Variants in ADAMTS9 observed in about 807,000 individuals in gnomAD.
ADAMTS9 encodes the protein A disintegrin and metalloproteinase with thrombospondin motifs 9.
In ADAMTS9, 107 loss-of-function variants were observed where a neutral mutation model predicts 257.1. The ratio of observed to expected loss-of-function variants is 0.42; its 90% CI spans 0.36 to 0.49. The LOEUF is 0.49. ADAMTS9 is among the 20% of genes least tolerant of loss of function. ADAMTS9 has a pLI of 0.03. For synonymous variants in ADAMTS9, 982 were observed against 880.9 expected (o/e 1.11, Z -2.03); for missense variants, 2,353 against 2,469.1 (o/e 0.95, Z 1.00).
At chr3:64,528,043 G>C (rs2082931124) in intron 38 of ADAMTS9, among the ~76,000 whole-genome samples, 1 of 152,156 alleles carries the variant, frequency 6.6e-6, no homozygotes, top group African/African-American at 2.4e-5. Flanking sequence ...TTGATTTACA[G>C]CCCTTGCTCT....
At chr3:64,586,487 C>A (rs1238187416) in intron 28 of ADAMTS9, among the ~76,000 whole-genome samples, 2 of 152,022 alleles carry the variant, frequency 1.3e-5, no homozygotes, top group Admixed American at 1.3e-4. Flanking sequence ...TGAGAGTGAG[C>A]ATAGTAGATT....
At chr3:64,522,650 A>G (rs2082867992) in intron 38 of ADAMTS9, 2 of 165,072 alleles carry the variant, frequency 1.2e-5, no homozygotes, top group Admixed American at 6.1e-5. Flanking sequence ...ATGCTGCAAA[A>G]AAAGAACTGA....
chr3:64,543,194 A>G (rs2083150297), intron 32 of ADAMTS9, among the ~76,000 whole-genome samples: 1 of 30,328 alleles, frequency 3.3e-5, no homozygotes, highest in African/African-American at 1.4e-4. Context: ...GGTACAAACA[A>G]GAGCTGGTAC....
chr3:64,659,621 T>A lies in ADAMTS9; in HGVS notation c.680-830A>T, dbSNP rs574356214. Among the ~76,000 whole-genome samples the A allele has an allele frequency of 1.4e-4, 22 of 152,248 alleles. No individual in the cohort carries two copies. The East Asian group carries it at 4.2e-3, about 29-fold the overall frequency. On this transcript the variant is annotated intron_variant, in intron 3 of 39. Coordinates refer to ENST00000498707, the MANE Select transcript of ADAMTS9 (RefSeq NM_182920.2). ...TGCACAACCAGGTATTTTATTACAT[T>A]ATTAGATCATTTCAATACTTAAAAT...
chr3:64,593,960 GATGTGTGTGTGT>G (rs1244797611), intron 28 of ADAMTS9, among the ~76,000 whole-genome samples: 9 of 69,322 alleles, frequency 1.3e-4, no homozygotes, highest in African/African-American at 3.5e-4. Context: ...GTGTGTGTAT[GATGTGTGTGTGT>G]GTGTGTGTGT....
chr3:64,593,871 C>T (rs566731412), intron 28 of ADAMTS9, among the ~76,000 whole-genome samples: 1 of 151,944 alleles, frequency 6.6e-6, no homozygotes, highest in Admixed American at 6.6e-5. Flanking sequence ...GTATCTTTCC[C>T]AAAAAGTCAA....
chr3:64,658,139 A>G (rs938652352), intron 4 of ADAMTS9, among the ~76,000 whole-genome samples: 1 of 152,190 alleles, frequency 6.6e-6, no homozygotes, highest in African/African-American at 2.4e-5. Context: ...GGCAGCGTCC[A>G]AGTGATTTAT....
At chr3:64,654,292 G>A (rs1031807186) in intron 8 of ADAMTS9, 61 bp downstream of exon 8, 5 of 1,488,128 alleles carry the variant, frequency 3.4e-6, no homozygotes, top group South Asian at 1.2e-5. Context: ...GCTCACTGAT[G>A]CGAAGGAATA....
At chr3:64,641,755 T>G in intron 12 of ADAMTS9, 93 bp downstream of exon 12, 1 of 1,501,284 alleles carries the variant, frequency 6.7e-7, no homozygotes, top group South Asian at 1.3e-5. Context: ...GCTCTCTAAG[T>G]TGGAATGTAC....
At chr3:64,653,004 C>G (rs1011622282) in intron 8 of ADAMTS9, among the ~76,000 whole-genome samples, 2 of 152,184 alleles carry the variant, frequency 1.3e-5, no homozygotes, top group African/African-American at 4.8e-5. Flanking sequence ...AAATTCCTTG[C>G]TTAAACTTGA....
At chr3:64,606,209 CAA>C (rs1394810731) in intron 23 of ADAMTS9, among the ~76,000 whole-genome samples, 1 of 152,218 alleles carries the variant, frequency 6.6e-6, no homozygotes, top group African/African-American at 2.4e-5. Context: ...GCTACAGACA[CAA>C]GACTCGTTTA....
chr3:64,661,116 C>G (rs1701210136), intron 3 of ADAMTS9, among the ~76,000 whole-genome samples: 1 of 152,170 alleles, frequency 6.6e-6, no homozygotes, highest in Non-Finnish European at 1.5e-5. Flanking sequence ...GGGAGGACTA[C>G]TATAGTAAAA....
At chr3:64,526,729 G>T (rs561002296) in intron 38 of ADAMTS9, among the ~76,000 whole-genome samples, 2 of 152,118 alleles carry the variant, frequency 1.3e-5, no homozygotes, top group Non-Finnish European at 2.9e-5. Context: ...ACCTCTTTAC[G>T]CCTCAGTTCC....
chr3:64,640,857 A>G (rs957168234), intron 12 of ADAMTS9, among the ~76,000 whole-genome samples: 4 of 152,174 alleles, frequency 2.6e-5, no homozygotes, highest in African/African-American at 9.6e-5. Context: ...CATGTCTGCT[A>G]TGACAAATGC....
chr3:64,552,879 C>CT, intron 30 of ADAMTS9, among the ~76,000 whole-genome samples: 2 of 152,126 alleles, frequency 1.3e-5, no homozygotes. Context: ...TTTAAAATGT[C>CT]TAATTTTAGT....
intron 28 of ADAMTS9, among the ~76,000 whole-genome samples, chr3:64,585,486 CAATA>C (rs1404980971): frequency 6.6e-6 from 1 of 152,070 alleles, no homozygotes; most frequent in Non-Finnish European, 1.5e-5. Flanking sequence ...AATTTTAGCT[CAATA>C]AATAGTTTGG....
intron 12 of ADAMTS9, among the ~76,000 whole-genome samples, chr3:64,636,223 T>A (rs993142377): frequency 6.6e-6 from 1 of 152,340 alleles, no homozygotes; most frequent in African/African-American, 2.4e-5. Context: ...CTTTGCTTGC[T>A]TTGACCACTA....
At chr3:64,577,112 C>T (rs987455686) in intron 28 of ADAMTS9, among the ~76,000 whole-genome samples, 2 of 152,074 alleles carry the variant, frequency 1.3e-5, no homozygotes, top group African/African-American at 4.8e-5. Flanking sequence ...TTTTGTTCTC[C>T]AAGAGTGGAA....
chr3:64,553,940 A>C (rs2083300413), intron 30 of ADAMTS9, among the ~76,000 whole-genome samples: 1 of 151,964 alleles, frequency 6.6e-6, no homozygotes, highest in Non-Finnish European at 1.5e-5. Flanking sequence ...AGGGCCACCG[A>C]ATGTTAAAAA....
Sources: gnomAD v4.1 joint callset for allele counts (sites outside exome capture counted in the v4.1 genomes callset) on GRCh38, gnomAD v4.1.1 for gene constraint, MANE v1.5 for transcripts, NCBI Gene and HGNC (gene_info 2026-07-23, HGNC 2026-07-21) for gene names.